EXTL1: variants seen among roughly 807,000 people sequenced by gnomAD.
The protein encoded by EXTL1 is exostosin-like 1.
A neutral mutation model predicts 64.6 loss-of-function variants in EXTL1; 43 were observed. The ratio of observed to expected loss-of-function variants is 0.67; its 90% CI spans 0.52 to 0.86. The LOEUF is 0.86. Among genes scored for constraint, EXTL1 ranks in the 40% least tolerant of loss-of-function variants. EXTL1 has a pLI of 0.00. For missense variants in EXTL1, 766 were observed against 879.0 expected (o/e 0.87, Z 1.62); for synonymous variants, 352 against 360.5 (o/e 0.98, Z 0.27).
chr1:26,027,348 C>G (rs1025659713), intron 1 of EXTL1, among the ~76,000 whole-genome samples: 1 of 152,090 alleles, frequency 6.6e-6, no homozygotes, highest in Non-Finnish European at 1.5e-5. Context: ...TGCATACCTC[C>G]CCTCCTATCT....
At chr1:26,029,758 G>A in intron 3 of EXTL1, 51 bp downstream of exon 3, 1 of 1,230,230 alleles carries the variant, frequency 8.1e-7, no homozygotes, top group South Asian at 1.3e-5. Context: ...GGACAGGGGA[G>A]GGACCTAGAA....
rs74062638 is a variant in EXTL1 at position 26,030,935 on chromosome 1, G to A, written c.1102-197G>A. On this transcript the variant is annotated intron_variant, in intron 4 of 10. Transcript: ENST00000374280. ...CATTAGTGACATCTGTCATGAGTGA[G>A]GAAGGAAGGGGAAGCAGTGACCCTG... 8.0e-3 allele frequency among the ~76,000 whole-genome samples: 1,213 copies of A among 152,304 alleles called. 18 individuals carry two copies. Among genetic ancestry groups the A allele is most frequent in the African/African-American group, 0.028 (1,165 of 41,552 alleles).
intron 1 of EXTL1, among the ~76,000 whole-genome samples, chr1:26,026,609 TATA>T (rs2050219539): frequency 6.6e-6 from 1 of 152,192 alleles, no homozygotes; most frequent in South Asian, 2.1e-4. Flanking sequence ...TGTTTTAATA[TATA>T]ATATTGCTTG....
At position 26,029,651 on chromosome 1, in the gene EXTL1, G is replaced by C. The variant is rs757674966; in HGVS notation, c.925G>C (p.Glu309Gln). The C allele has an allele frequency of 8.1e-6, 13 of 1,612,260 alleles. No individual in the cohort carries two copies. Among genetic ancestry groups the C allele is most frequent in the Non-Finnish European group, 1.1e-5 (13 of 1,179,790 alleles). Residue 309 changes from glutamate (E) to glutamine (Q), a missense_variant, in exon 3 of 11, where the codon GAG becomes CAG. By Grantham distance (29) the Glu-to-Gln change is conservative. Around this residue, in one of 3 missense-constraint regions of EXTL1, gnomAD observed 571 missense variants for 647.6 expected, o/e 0.88. Transcript: ENST00000374280. ...CCCCCGCTGGGAGCTGCCCTTCTCC[G>C]AGGTCATCGACTGGACCAAGGCAGC... ...LSPRWELPFSEVIDWTKAAIV... is the reference protein window; with the variant it reads ...LSPRWELPFSQVIDWTKAAIV...
In EXTL1 at chr1:26,030,505, TG is replaced by T. The variant is rs1472931706; in HGVS notation, c.1012del (p.Ala338HisfsTer85). On this transcript the variant is annotated frameshift_variant, in exon 4 of 11. Transcript: ENST00000374280. LOFTEE classifies it high-confidence loss of function. Reference protein sequence around the residue: ...VLAALQEMSPARVLALRQQTQ... With the variant: ...VLAALQEMSPXRVLALRQQTQ... Reference sequence around the variant, plus strand: ...TGGCTGCCCTCCAGGAGATGTCCCCTGCACGGGTCCTCGCCCTGCGTCAGCA... The same window carrying T: ...TGGCTGCCCTCCAGGAGATGTCCCCTCACGGGTCCTCGCCCTGCGTCAGCA... 1 of 1,613,348 alleles carries T rather than the reference TG, an allele frequency of 6.2e-7. No homozygotes were observed. Among genetic ancestry groups the T allele is most frequent in the South Asian group, 1.1e-5 (1 of 91,036 alleles).
chr1:26,023,973 A>T (rs998566782), intron 1 of EXTL1, among the ~76,000 whole-genome samples: 4 of 152,196 alleles, frequency 2.6e-5, no homozygotes, highest in Non-Finnish European at 5.9e-5. Flanking sequence ...CAAATGCCTC[A>T]GAAGGGCCTC....
At position 26,033,607 on chromosome 1, in the gene EXTL1, C is replaced by T. The variant is rs563880222; in HGVS notation, c.1519-89C>T. 7.0e-6 allele frequency: 10 copies of T among 1,433,426 alleles called. No individual in the cohort carries two copies. The East Asian group carries it at 2.1e-4, about 29-fold the overall frequency. The allele number at this position is 1,433,426 out of a possible 1,614,324, so 88.8% of individuals were successfully genotyped here. A position where few individuals can be genotyped will look rare whatever the true frequency, so the allele number is the denominator to read the frequency against. The stretch of plus-strand genomic sequence containing the variant: ...TCTCCCCTGAGTCCTGCCCGGGCCC[C>T]TCAGCCAGGCTGCCCCTGCCTCCAT... On this transcript the variant is annotated intron_variant, in intron 8 of 10. Transcript: ENST00000374280. This position sits in a 1 kb window ranked among gnomAD's most constrained non-coding sequence, Gnocchi z 5.1.
At chr1:26,030,878 G>A (rs1290347444) in intron 4 of EXTL1, among the ~76,000 whole-genome samples, 1 of 152,216 alleles carries the variant, frequency 6.6e-6, no homozygotes, top group Non-Finnish European at 1.5e-5. Flanking sequence ...TATGTTGGGA[G>A]GGATTCTGAG....
intron 7 of EXTL1, among the ~76,000 whole-genome samples, chr1:26,032,743 G>C: frequency 6.6e-6 from 1 of 152,184 alleles, no homozygotes; most frequent in Non-Finnish European, 1.5e-5. Context: ...AGGAACAGAG[G>C]AGAAACCCAG....
chr1:26,035,424 C>T lies in EXTL1; in HGVS notation c.*77C>T, dbSNP rs2050329363. ...GCCCGGCGCCTGCCGGCGGGCTCCG[C>T]TCTTGGGACACCGGAGAACCTATCA... On this transcript the variant is annotated 3_prime_UTR_variant, in exon 11 of 11. Coordinates refer to ENST00000374280, the MANE Select transcript of EXTL1 (RefSeq NM_004455.3). This position sits in a 1 kb window ranked among gnomAD's most constrained non-coding sequence, Gnocchi z 5.3. The T allele has an allele frequency of 7.4e-7, 1 of 1,352,534 alleles. No homozygotes were observed. The highest frequency in any genetic ancestry group is 1.0e-6 in the Non-Finnish European group (1 of 994,290). 83.8% of individuals were successfully genotyped at this position (1,352,534 alleles called of 1,614,324 possible). A position where few individuals can be genotyped will look rare whatever the true frequency, so the allele number is the denominator to read the frequency against.
rs1211736929 is a variant in EXTL1 at position 26,025,840 on chromosome 1, AT to A, written c.779+2421del. On this transcript the variant is annotated intron_variant, in intron 1 of 10. Coordinates refer to ENST00000374280, the MANE Select transcript of EXTL1 (RefSeq NM_004455.3). This position sits in a 1 kb window ranked among gnomAD's most constrained non-coding sequence, Gnocchi z 5.3. Reference sequence around the variant, plus strand: ...ACAAGCAATATGTATATTCTCCCCCATTTTTTAACATAAATTTGAGGCATGC... The same window carrying A: ...ACAAGCAATATGTATATTCTCCCCCATTTTTAACATAAATTTGAGGCATGC... Among the ~76,000 whole-genome samples the A allele has an allele frequency of 6.6e-6, 1 of 151,966 alleles. No individual in the cohort carries two copies. Among genetic ancestry groups the A allele is most frequent in the Non-Finnish European group, 1.5e-5 (1 of 67,962 alleles).
rs1557548910 is a variant in EXTL1, at chr1:26,023,098, T to C, written c.452T>C (p.Leu151Pro). Residue 151 changes from leucine to proline, a missense_variant, in exon 1 of 11, where the codon CTG (leucine) becomes CCG (proline). Physicochemically the swap from Leu to Pro is moderately conservative, Grantham distance 98 (BLOSUM62 -3). Transcript: ENST00000374280. ...AQTGECSSMP[L>P]QWNRGRNHLV... is the part of the protein sequence containing the mutation. ...ACTGGAGAGTGCAGCTCAATGCCTC[T>C]GCAATGGAACAGGGGCAGGAACCAT... 2 of 1,613,652 alleles carry C rather than the reference T, an allele frequency of 1.2e-6. No homozygotes were observed. Among genetic ancestry groups the C allele is most frequent in the South Asian group, 2.2e-5 (2 of 91,018 alleles).
intron 1 of EXTL1, among the ~76,000 whole-genome samples, chr1:26,026,242 CAAA>C (rs60657422): frequency 4.7e-5 from 4 of 84,474 alleles, no homozygotes; most frequent in Non-Finnish European, 9.4e-5. Context: ...GACTCTGTTT[CAAA>C]AAAAAAAAAA....
intron 4 of EXTL1, 83 bp downstream of exon 4, chr1:26,030,678 G>T: frequency 7.0e-7 from 1 of 1,422,222 alleles, no homozygotes; most frequent in Non-Finnish European, 9.4e-7. Flanking sequence ...CTGCCACAGT[G>T]TTTGGGGAAC....
rs2050307318 is a variant in EXTL1, at chr1:26,033,251, A to G, written c.1454A>G (p.Tyr485Cys). 1 of 1,613,856 alleles carries G rather than the reference A, an allele frequency of 6.2e-7. No homozygotes were observed. Among genetic ancestry groups the G allele is most frequent in the Non-Finnish European group, 8.5e-7 (1 of 1,179,838 alleles). The change falls in exon 8 of 11, where the codon TAT (tyrosine) becomes TGT (cysteine). Residue 485 changes from tyrosine to cysteine, a missense_variant. Physicochemically the swap from Tyr to Cys is radical, Grantham distance 194. Around this residue, in one of 3 missense-constraint regions of EXTL1, gnomAD observed 571 missense variants for 647.6 expected, o/e 0.88. Coordinates refer to ENST00000374280, the MANE Select transcript of EXTL1 (RefSeq NM_004455.3). The surrounding 1 kb of genome is among the most constrained non-coding windows in gnomAD (Gnocchi z 5.1). Reference protein sequence around the residue: ...HRKVSDRFYPYSTIRTDAILS... With the variant: ...HRKVSDRFYPCSTIRTDAILS... The stretch of plus-strand genomic sequence containing the variant: ...CAGGTTAGTGATCGCTTCTACCCAT[A>G]TAGCACCATCAGAACAGATGCCATC...
At chr1:26,026,585 C>T (rs1021723572) in intron 1 of EXTL1, among the ~76,000 whole-genome samples, 4 of 152,178 alleles carry the variant, frequency 2.6e-5, no homozygotes, top group Admixed American at 1.3e-4. Context: ...TGAGCCACGG[C>T]GCCCAGCAGA....
chr1:26,029,231 G>A lies in EXTL1; in HGVS notation c.818G>A (p.Cys273Tyr), dbSNP rs1321499133. The A allele has an allele frequency of 1.2e-6, 2 of 1,613,728 alleles. No homozygotes were observed. The highest frequency in any genetic ancestry group is 1.1e-5 in the South Asian group (1 of 91,078). Residue 273 changes from cysteine to tyrosine, a missense_variant, in exon 2 of 11, where the codon TGC becomes TAC. Cys to Tyr is a radical substitution (Grantham distance 194). Transcript: ENST00000374280. ...GAGACGCTGCCCAATGCCACCTTCT[G>A]CCTCATCTCTGGCCACCGTCCCGAG... ...RQETLPNATFCLISGHRPEAA... is the reference protein window; with the variant it reads ...RQETLPNATFYLISGHRPEAA...
In EXTL1 at chr1:26,035,539, C is replaced by T; in HGVS notation, c.*192C>T. 2 of 472,638 alleles carry T rather than the reference C, an allele frequency of 4.2e-6. No individual in the cohort carries two copies. Among genetic ancestry groups the T allele is most frequent in the South Asian group, 4.9e-5 (1 of 20,514 alleles). 29.3% of individuals were successfully genotyped at this position (472,638 alleles called of 1,614,324 possible). A position where few individuals can be genotyped will look rare whatever the true frequency, so the allele number is the denominator to read the frequency against. ...ACCTTCTCCTGCTCGCCCTCAGCCG[C>T]GGAGCCTCTGCGGAGGCTGAGCCCC... is the stretch of plus-strand genomic sequence containing the variant. On this transcript the variant is annotated 3_prime_UTR_variant, in exon 11 of 11. Transcript: ENST00000374280. This position sits in a 1 kb window ranked among gnomAD's most constrained non-coding sequence, Gnocchi z 5.3.
chr1:26,022,610 C>T lies in EXTL1; in HGVS notation c.-37C>T. 1 of 1,523,554 alleles carries T rather than the reference C, an allele frequency of 6.6e-7. No individual in the cohort carries two copies. Among genetic ancestry groups the T allele is most frequent in the Non-Finnish European group, 8.8e-7 (1 of 1,132,398 alleles). 94.4% of individuals were successfully genotyped at this position (1,523,554 alleles called of 1,614,324 possible). A position where few individuals can be genotyped will look rare whatever the true frequency, so the allele number is the denominator to read the frequency against. On this transcript the variant is annotated 5_prime_UTR_variant, in exon 1 of 11. Transcript: ENST00000374280. ...TGCTCTTCCTGCTTGCTGGCAGAGG[C>T]CTCCCAGCTTCCCTAGCCCTGACTG...
Sources: gnomAD v4.1 joint callset for allele counts (sites outside exome capture counted in the v4.1 genomes callset) on GRCh38, gnomAD v4.1.1 for gene constraint, gnomAD v4.1.1 regional missense constraint, Gnocchi (gnomAD v3.1) non-coding constraint, MANE v1.5 for transcripts, NCBI Gene and HGNC (gene_info 2026-07-23, HGNC 2026-07-21) for gene names.